DSCC1: variants seen among roughly 807,000 people sequenced by gnomAD.
DSCC1 encodes the protein DNA replication and sister chromatid cohesion 1.
DSCC1 carries 32 observed loss-of-function variants against 48.2 expected under a neutral mutation model. The ratio of observed to expected loss-of-function variants is 0.66; its 90% CI spans 0.50 to 0.89. DSCC1 has a LOEUF of 0.89. DSCC1 is among the 40% of genes least tolerant of loss of function. DSCC1 has a pLI of 0.00. For missense variants in DSCC1, 421 were observed against 471.7 expected (o/e 0.89, Z 1.00); for synonymous variants, 150 against 171.5 (o/e 0.87, Z 0.98).
intron 1 of DSCC1, among the ~76,000 whole-genome samples, chr8:119,853,644 C>A (rs1826973652): frequency 6.6e-6 from 1 of 152,240 alleles, no homozygotes; most frequent in Non-Finnish European, 1.5e-5. Context: ...GTGGGATACA[C>A]TGGGTCTAGG....
chr8:119,850,288 T>C (rs1030155088), intron 3 of DSCC1, 94 bp downstream of exon 3: 22 of 1,298,780 alleles, frequency 1.7e-5, no homozygotes, highest in Non-Finnish European at 2.3e-5. Context: ...ATAACAGCTA[T>C]ATAACATAAA....
rs539595318 is a variant in DSCC1 at position 119,843,633 on chromosome 8, T to A, written c.692A>T (p.Gln231Leu). The A allele has an allele frequency of 7.4e-6, 12 of 1,612,786 alleles. No individual in the cohort carries two copies. The South Asian group carries it at 1.3e-4, about 18-fold the overall frequency. The change falls in exon 5 of 9, where the codon CAG (glutamine) becomes CTG (leucine). Residue 231 changes from glutamine to leucine, a missense_variant. Gln to Leu is a moderately radical substitution (Grantham distance 113). Around this residue, in one of 3 missense-constraint regions of DSCC1, gnomAD observed 238 missense variants for 259.0 expected, o/e 0.92. Transcript: ENST00000313655. ...FGKVPLNTCLQELGPLEPEEM... is the reference protein window; with the variant it reads ...FGKVPLNTCLLELGPLEPEEM... The stretch of plus-strand genomic sequence containing the variant: ...CTCTGGCTCCAATGGTCCGAGTTCC[T>A]GAAGGCATGTGTTCAAAGGAACTTT...
At chr8:119,849,613 A>G (rs1826916259) in intron 3 of DSCC1, among the ~76,000 whole-genome samples, 1 of 152,242 alleles carries the variant, frequency 6.6e-6, no homozygotes, top group African/African-American at 2.4e-5. Context: ...TGGTACTGGA[A>G]GGTGACAGCT....
chr8:119,844,211 G>A (rs890107959), intron 4 of DSCC1, among the ~76,000 whole-genome samples: 3 of 152,056 alleles, frequency 2.0e-5, no homozygotes, highest in Non-Finnish European at 4.4e-5. Flanking sequence ...GCCGAGGCTG[G>A]TGGATCACTT....
chr8:119,842,819 T>C lies in DSCC1; in HGVS notation c.726A>G (p.Ile242Met), dbSNP rs2131299221. Reference protein sequence around the residue: ...ELGPLEPEEMIEHCLKCYGKK... With the variant: ...ELGPLEPEEMMEHCLKCYGKK... ...TCCCATAACATTTAAGACAGTGTTC[T>C]ATCATTTCCCTGAAAAATTTAAAAC... The change falls in exon 6 of 9, where the codon ATA (isoleucine) becomes ATG (methionine). Residue 242 changes from isoleucine (I) to methionine (M), a missense_variant. Coordinates refer to ENST00000313655, the MANE Select transcript of DSCC1 (RefSeq NM_024094.3). 6.3e-7 allele frequency: 1 copy of C among 1,594,914 alleles called. No individual in the cohort carries two copies. The highest frequency in any genetic ancestry group is 8.5e-7 in the Non-Finnish European group (1 of 1,173,460).
chr8:119,853,507 C>A (rs1161955786), intron 1 of DSCC1, among the ~76,000 whole-genome samples: 1 of 152,228 alleles, frequency 6.6e-6, no homozygotes, highest in Non-Finnish European at 1.5e-5. Context: ...GTGCAAACTG[C>A]TGGAAAGAAC....
At chr8:119,849,231 A>G (rs1826909887) in intron 3 of DSCC1, among the ~76,000 whole-genome samples, 1 of 143,212 alleles carries the variant, frequency 7.0e-6, no homozygotes, top group Non-Finnish European at 1.5e-5. Flanking sequence ...ACATGGTGAA[A>G]CCCCATGTCT....
chr8:119,839,242 A>G (rs2131294531), intron 7 of DSCC1: 1 of 149,120 alleles, frequency 6.7e-6, no homozygotes, highest in Middle Eastern at 3.4e-3. Flanking sequence ...GCTAATGACT[A>G]TAATACTTAT....
rs1219258306 is a variant in DSCC1 at position 119,834,957 on chromosome 8, T to G, written c.1118A>C (p.Lys373Thr). 3 of 1,610,694 alleles carry G rather than the reference T, an allele frequency of 1.9e-6. No homozygotes were observed. Among genetic ancestry groups the G allele is most frequent in the South Asian group, 2.2e-5 (2 of 90,314 alleles). The change falls in exon 9 of 9, where the codon AAA becomes ACA. Residue 373 changes from lysine to threonine, a missense_variant. Coordinates refer to ENST00000313655, the MANE Select transcript of DSCC1 (RefSeq NM_024094.3). ...EKQTIGALLT[K>T]YSHSSMQNGV... Reference sequence around the variant, plus strand: ...ATTTTGCATCGAAGAATGAGAATATTTAGTGAGTAATGCACCTATGGTTTG... The same window carrying G: ...ATTTTGCATCGAAGAATGAGAATATGTAGTGAGTAATGCACCTATGGTTTG...
chr8:119,850,824 C>G (rs955918939), intron 2 of DSCC1, among the ~76,000 whole-genome samples: 1 of 152,004 alleles, frequency 6.6e-6, no homozygotes, highest in Non-Finnish European at 1.5e-5. Context: ...GACAATTCTC[C>G]AAACCAAGTG....
intron 1 of DSCC1, among the ~76,000 whole-genome samples, chr8:119,855,158 G>T (rs1181607367): frequency 2.0e-5 from 3 of 152,168 alleles, no homozygotes; most frequent in African/African-American, 7.2e-5. Context: ...TTTGCTTCGG[G>T]GTGGGTAGGG....
rs974303290 is a variant in DSCC1, at chr8:119,850,345, G to C, written c.486+37C>G. On this transcript the variant is annotated intron_variant, in intron 3 of 8. Transcript: ENST00000313655. ...CTATTAAGTGCCTCTGATTATAGTT[G>C]TTAAATTCCAAATAAAAAAGTGAAA... 8 of 1,540,324 alleles carry C rather than the reference G, an allele frequency of 5.2e-6. No homozygotes were observed. The African/African-American group carries it at 9.8e-5, about 19-fold the overall frequency.
At chr8:119,843,487 A>T (rs1261848178) in intron 5 of DSCC1, 122 bp downstream of exon 5, 2 of 1,359,108 alleles carry the variant, frequency 1.5e-6, no homozygotes, top group Middle Eastern at 1.9e-4. Flanking sequence ...GTAATTGTAA[A>T]CATTTCTCAA....
At position 119,837,986 on chromosome 8, in the gene DSCC1, G is replaced by A. The variant is rs186318688; in HGVS notation, c.1073+273C>T. Among the ~76,000 whole-genome samples, 7 of 152,302 alleles carry A rather than the reference G, an allele frequency of 4.6e-5. No individual in the cohort carries two copies. The East Asian group carries it at 1.3e-3, about 29-fold the overall frequency. ...TTGCCTTAGAGTCATAGTAGGGCCTGTATTTTGTCCCTCAAAGGGGACAGT... is the reference window on the plus strand; with the variant it reads ...TTGCCTTAGAGTCATAGTAGGGCCTATATTTTGTCCCTCAAAGGGGACAGT... On this transcript the variant is annotated intron_variant, in intron 8 of 8. Coordinates refer to ENST00000313655, the MANE Select transcript of DSCC1 (RefSeq NM_024094.3).
chr8:119,846,773 T>C (rs1826863293), intron 4 of DSCC1, among the ~76,000 whole-genome samples: 1 of 152,206 alleles, frequency 6.6e-6, no homozygotes, highest in Admixed American at 6.5e-5. Context: ...TTGGCAAGGC[T>C]GCTCTCAAAC....
intron 4 of DSCC1, 103 bp downstream of exon 4, chr8:119,846,887 A>G (rs1826864802): frequency 1.8e-6 from 2 of 1,102,786 alleles, no homozygotes; most frequent in South Asian, 2.7e-5. Flanking sequence ...AACCCAAAAG[A>G]ATATTAAATA....
chr8:119,854,702 A>G (rs904696070), intron 1 of DSCC1, among the ~76,000 whole-genome samples: 1 of 152,120 alleles, frequency 6.6e-6, no homozygotes, highest in African/African-American at 2.4e-5. Context: ...GGACCGAGAG[A>G]AAGTCCTCAC....
Position 119,838,377 on chromosome 8 carries a change from G to T in DSCC1, c.955C>A (p.Pro319Thr), listed in dbSNP as rs752730911. Reference sequence around the variant, plus strand: ...ACTTTCAGCAAAAATATGATTTCTGGTCTCGAGTGTCTATCCACCAGCGCT... The same window carrying T: ...ACTTTCAGCAAAAATATGATTTCTGTTCTCGAGTGTCTATCCACCAGCGCT... ...GLALVDRHSR[P>T]EIIFLLKVDD... The change falls in exon 8 of 9, where the codon CCA (proline) becomes ACA (threonine). Residue 319 changes from proline to threonine, a missense_variant. Coordinates refer to ENST00000313655, the MANE Select transcript of DSCC1 (RefSeq NM_024094.3). 1 of 1,605,734 alleles carries T rather than the reference G, an allele frequency of 6.2e-7. No homozygotes were observed. Among genetic ancestry groups the T allele is most frequent in the Non-Finnish European group, 8.5e-7 (1 of 1,177,062 alleles).
At chr8:119,836,882 T>C (rs1452733520) in intron 8 of DSCC1, among the ~76,000 whole-genome samples, 3 of 152,092 alleles carry the variant, frequency 2.0e-5, no homozygotes, top group Non-Finnish European at 4.4e-5. Context: ...ACAAAAGAGA[T>C]GGTTTTCTCC....
Sources: gnomAD v4.1 joint callset for allele counts (sites outside exome capture counted in the v4.1 genomes callset) on GRCh38, gnomAD v4.1.1 for gene constraint, gnomAD v4.1.1 regional missense constraint, MANE v1.5 for transcripts, NCBI Gene and HGNC (gene_info 2026-07-23, HGNC 2026-07-21) for gene names.